The following IQSEC1 variants were observed in gnomAD, a reference collection of about 807,000 sequenced individuals.
IQSEC1 encodes the protein IQ motif and SEC7 domain-containing protein 1.
IQSEC1 carries 31 observed loss-of-function variants against 91.0 expected under a neutral mutation model. That is an observed-to-expected ratio of 0.34 (90% CI 0.26 to 0.46). The LOEUF (loss-of-function observed/expected upper bound fraction) is 0.46, where lower values mean the gene tolerates loss of function less well. Among genes scored for constraint, IQSEC1 ranks in the 20% least tolerant of loss-of-function variants. IQSEC1 has a pLI of 1.00. For missense variants in IQSEC1, 1,388 were observed against 1,575.6 expected (o/e 0.88, Z 2.02); for synonymous variants, 699 against 662.6 (o/e 1.05, Z -0.84).
intron 1 of IQSEC1, among the ~76,000 whole-genome samples, chr3:12,949,016 G>A (rs904032608): frequency 6.6e-6 from 1 of 152,240 alleles, no homozygotes; most frequent in South Asian, 2.1e-4. Flanking sequence ...GCCGTGGTGG[G>A]TGTGTTTAAA....
At position 13,073,259 on chromosome 3, in the gene IQSEC1, G is replaced by A. The variant is rs1358755614; in HGVS notation, c.-245C>T. The A allele has an allele frequency of 1.1e-5, 6 of 563,104 alleles. No individual in the cohort carries two copies. Among genetic ancestry groups the A allele is most frequent in the East Asian group, 6.2e-5 (2 of 32,356 alleles). 34.9% of individuals were successfully genotyped at this position (563,104 alleles called of 1,614,324 possible). ...GCGCGCTCACACCGTGCCCAGGAGCGAGCGAGGACGTCGAGTAACCGTGGT... is the reference window on the plus strand; with the variant it reads ...GCGCGCTCACACCGTGCCCAGGAGCAAGCGAGGACGTCGAGTAACCGTGGT... On this transcript the variant is annotated 5_prime_UTR_variant, in exon 1 of 14. Transcript: ENST00000613206.
intron 1 of IQSEC1, among the ~76,000 whole-genome samples, chr3:13,272,565 C>A (rs1695607273): frequency 6.6e-6 from 1 of 152,194 alleles, no homozygotes. Context: ...GGCAAGCAGG[C>A]CAACCTAGGG....
At chr3:13,055,337 T>C (rs1704836449) in intron 1 of IQSEC1, among the ~76,000 whole-genome samples, 1 of 152,170 alleles carries the variant, frequency 6.6e-6, no homozygotes, top group Non-Finnish European at 1.5e-5. Context: ...ATCAGTGTCA[T>C]GAGGAGTTGG....
At position 13,207,108 on chromosome 3, in the gene IQSEC1, A is replaced by T. The variant is rs1299572837; in HGVS notation, c.273-42975T>A. Among the ~76,000 whole-genome samples the T allele has an allele frequency of 1.3e-5, 2 of 151,980 alleles. No homozygotes were observed. Among genetic ancestry groups the T allele is most frequent in the Non-Finnish European group, 2.9e-5 (2 of 67,984 alleles). On this transcript the variant is annotated intron_variant, in intron 1 of 15. Coordinates refer to the IQSEC1 transcript ENST00000648114. This position sits in a 1 kb window ranked among gnomAD's most constrained non-coding sequence, Gnocchi z 4.8. ...CTGTTGGGAGTTGCTGGCCCTGACA[A>T]TTTCTACTACTGCATCGTGGGACCA... is the stretch of plus-strand genomic sequence containing the variant.
At position 12,908,435 on chromosome 3, in the gene IQSEC1, C is replaced by T. The variant is rs138048919; in HGVS notation, c.2669G>A (p.Arg890Gln). 4 of 1,613,450 alleles carry T rather than the reference C, an allele frequency of 2.5e-6. No individual in the cohort carries two copies. The highest frequency in any genetic ancestry group is 1.1e-5 in the South Asian group (1 of 91,068). Residue 890 changes from arginine to glutamine, a missense_variant, in exon 12 of 14, where the codon CGG (arginine) becomes CAG (glutamine). Arg to Gln is a conservative substitution (Grantham distance 43). Coordinates refer to ENST00000613206, the MANE Select transcript of IQSEC1 (RefSeq NM_001134382.3). This position sits in a 1 kb window ranked among gnomAD's most constrained non-coding sequence, Gnocchi z 4.9. ...KKESGNGTLS[R>Q]ACLDDSYASG... ...GGCATAGCTGTCGTCCAGGCAGGCC[C>T]GGCTCAGTGTTCCGTTGCCCGACTC... is the stretch of plus-strand genomic sequence containing the variant.
intron 2 of IQSEC1, among the ~76,000 whole-genome samples, chr3:13,084,332 T>A (rs1705699445): frequency 6.6e-6 from 1 of 151,834 alleles, no homozygotes; most frequent in Non-Finnish European, 1.5e-5. Context: ...ACACCCCACA[T>A]CCCCCCTGAC....
At chr3:12,948,368 C>T (rs1699318755) in intron 1 of IQSEC1, among the ~76,000 whole-genome samples, 1 of 152,238 alleles carries the variant, frequency 6.6e-6, no homozygotes, top group South Asian at 2.1e-4. Context: ...TCGAGACACC[C>T]ACCTCCAGGC....
chr3:12,923,994 GA>G (rs1206544457), intron 4 of IQSEC1, among the ~76,000 whole-genome samples: 1 of 152,348 alleles, frequency 6.6e-6, no homozygotes, highest in African/African-American at 2.4e-5. Context: ...GTGGAATCAG[GA>G]GGTGGGGGCA....
upstream of IQSEC1, among the ~76,000 whole-genome samples, chr3:13,077,768 C>A (rs1017442993): frequency 6.6e-6 from 1 of 152,140 alleles, no homozygotes; most frequent in African/African-American, 2.4e-5. Flanking sequence ...CTGGCAAACA[C>A]CTCCCTCTGC....
At chr3:13,252,986 C>A (rs1459665789) in intron 1 of IQSEC1, among the ~76,000 whole-genome samples, 1 of 152,194 alleles carries the variant, frequency 6.6e-6, no homozygotes, top group Non-Finnish European at 1.5e-5. Context: ...CCCGCCTCGG[C>A]CTCCCAAAGT....
intron 1 of IQSEC1, among the ~76,000 whole-genome samples, chr3:13,038,258 G>GTATATATATATATATATA (rs1354129185): frequency 3.9e-5 from 2 of 51,386 alleles, no homozygotes; most frequent in Non-Finnish European, 7.3e-5. Flanking sequence ...ATGTGTGTGT[G>GTATATATATATATATATA]TGTGTATATA....
At chr3:13,224,270 G>C (rs887696556) in intron 1 of IQSEC1, among the ~76,000 whole-genome samples, 1 of 152,090 alleles carries the variant, frequency 6.6e-6, no homozygotes, top group Non-Finnish European at 1.5e-5. Flanking sequence ...GGTCCTGCCC[G>C]AACCCAGGAG....
At chr3:13,215,312 G>A (rs1054456042) in intron 1 of IQSEC1, among the ~76,000 whole-genome samples, 1 of 150,928 alleles carries the variant, frequency 6.6e-6, no homozygotes, top group African/African-American at 2.4e-5. Flanking sequence ...AAATCGAGAG[G>A]ACACGCCAAC....
intron 1 of IQSEC1, among the ~76,000 whole-genome samples, chr3:13,237,248 G>A (rs977444175): frequency 1.3e-5 from 2 of 152,236 alleles, no homozygotes; most frequent in Non-Finnish European, 2.9e-5. Context: ...GATGACGCCT[G>A]AGCAAGAGTC....
intron 1 of IQSEC1, among the ~76,000 whole-genome samples, chr3:13,048,329 C>A (rs1559740557): frequency 6.6e-6 from 1 of 152,200 alleles, no homozygotes; most frequent in Admixed American, 6.5e-5. Flanking sequence ...GCTGGGGGGC[C>A]CCATCCCCAC....
At chr3:13,275,825 G>A (rs1362322337) in intron 1 of IQSEC1, among the ~76,000 whole-genome samples, 2 of 152,222 alleles carry the variant, frequency 1.3e-5, no homozygotes, top group African/African-American at 2.4e-5. Context: ...GTGAGTAGAA[G>A]AGGTGGCAGT....
chr3:13,055,144 G>C (rs1704829806), intron 1 of IQSEC1, among the ~76,000 whole-genome samples: 2 of 152,306 alleles, frequency 1.3e-5, no homozygotes, highest in East Asian at 3.9e-4. Flanking sequence ...ATTGTCCCGG[G>C]GTTGGCCTGC....
intron 1 of IQSEC1, among the ~76,000 whole-genome samples, chr3:13,041,809 C>T (rs973898641): frequency 2.6e-5 from 4 of 152,206 alleles, no homozygotes; most frequent in Non-Finnish European, 4.4e-5. Flanking sequence ...CAAGATCGCG[C>T]AGCCAGGAAA....
intron 2 of IQSEC1, among the ~76,000 whole-genome samples, chr3:13,107,370 C>A (rs759587234): frequency 3.3e-5 from 5 of 152,220 alleles, no homozygotes; most frequent in Non-Finnish European, 2.9e-5. Flanking sequence ...ATGCCCCCTG[C>A]GGTTGCTATA....
Sources: allele counts gnomAD v4.1 joint callset (sites outside exome capture counted in the v4.1 genomes callset), GRCh38; gene constraint gnomAD v4.1.1; non-coding constraint Gnocchi (gnomAD v3.1); transcripts MANE v1.5; gene names NCBI Gene and HGNC (gene_info 2026-07-23, HGNC 2026-07-21).